The following TTLL5 variants were observed in gnomAD, a reference collection of about 807,000 sequenced individuals.
TTLL5 encodes the protein tubulin tyrosine ligase like 5, also known as tubulin polyglutamylase TTLL5.
TTLL5 carries 132 observed loss-of-function variants against 168.4 expected under a neutral mutation model. The observed-to-expected ratio is 0.78, with a 90% CI of 0.68 to 0.91. The LOEUF is 0.91. Ranked by LOEUF, TTLL5 falls within the 40% of genes least tolerant of loss-of-function variation. TTLL5 has a pLI of 0.00. For synonymous variants in TTLL5, 546 were observed against 558.6 expected, an observed-to-expected ratio of 0.98 and a Z score of 0.32; for missense variants, 1,545 against 1,581.5, an observed-to-expected ratio of 0.98 and a Z score of 0.39.
chr14:75,926,233 T>TATGTGTG (rs2034065769), intron 31 of TTLL5, among the ~76,000 whole-genome samples: 1 of 137,258 alleles, frequency 7.3e-6, no homozygotes, highest in Non-Finnish European at 1.5e-5. Flanking sequence ...GTTTTGAGCC[T>TATGTGTG]ATGTGTGTCT....
chr14:75,865,002 T>C (rs2030388733), intron 29 of TTLL5, among the ~76,000 whole-genome samples: 1 of 152,188 alleles, frequency 6.6e-6, no homozygotes, highest in African/African-American at 2.4e-5. Flanking sequence ...GGTAGTATAC[T>C]CTGTACATTA....
At chr14:75,742,894 T>G (rs1889358706) in intron 15 of TTLL5, among the ~76,000 whole-genome samples, 1 of 152,258 alleles carries the variant, frequency 6.6e-6, no homozygotes, top group Non-Finnish European at 1.5e-5. Flanking sequence ...ATTATTTATA[T>G]TTGTTTCCTT....
intron 31 of TTLL5, among the ~76,000 whole-genome samples, chr14:75,941,845 T>A (rs1387164563): frequency 3.6e-4 from 4 of 11,014 alleles, no homozygotes; most frequent in East Asian, 2.6e-3. Flanking sequence ...ATGATGAACT[T>A]TTTTTTTTTT....
intron 15 of TTLL5, among the ~76,000 whole-genome samples, chr14:75,743,686 A>C (rs187775632): frequency 7.2e-6 from 1 of 139,582 alleles, no homozygotes; most frequent in African/African-American, 2.7e-5. Flanking sequence ...GGTTCACGCC[A>C]TTCTCCTGCC....
At chr14:75,875,633 T>C (rs1449019692) in intron 29 of TTLL5, among the ~76,000 whole-genome samples, 2 of 152,104 alleles carry the variant, frequency 1.3e-5, no homozygotes, top group Admixed American at 6.5e-5. Context: ...ATTTATAGCA[T>C]TGATGATTGG....
At chr14:75,904,834 C>T (rs776876313) in intron 31 of TTLL5, among the ~76,000 whole-genome samples, 1 of 152,088 alleles carries the variant, frequency 6.6e-6, no homozygotes, top group Admixed American at 6.6e-5. Context: ...TGTTCCTGAT[C>T]GTTAGTTAAA....
chr14:75,753,855 T>G (rs1221419992), intron 18 of TTLL5, among the ~76,000 whole-genome samples: 1 of 152,222 alleles, frequency 6.6e-6, no homozygotes, highest in Non-Finnish European at 1.5e-5. Context: ...TCTTTAGAGT[T>G]TAGATACTTT....
intron 27 of TTLL5, chr14:75,814,706 A>G (rs1894283240): frequency 6.6e-6 from 1 of 152,218 alleles, no homozygotes; most frequent in African/African-American, 2.4e-5. Context: ...TTTAATCTAG[A>G]GATAATTTGC....
At position 75,824,838 on chromosome 14, in the gene TTLL5, C is replaced by T. The variant is rs182174935; in HGVS notation, c.3326+4677C>T. ...GGCAAGGTTTTGTTTTTATCCTCTG[C>T]CTCTGTTATAAGGGAATTATTCTGA... On this transcript the variant is annotated intron_variant, in intron 28 of 31. Coordinates refer to ENST00000298832, the MANE Select transcript of TTLL5 (RefSeq NM_015072.5). 1.6e-4 allele frequency among the ~76,000 whole-genome samples: 25 copies of T among 151,884 alleles called. No individual in the cohort carries two copies. In the East Asian group the frequency reaches 4.8e-3, roughly 29 times the overall value.
At chr14:75,922,576 T>A (rs2140141656) in intron 31 of TTLL5, among the ~76,000 whole-genome samples, 1 of 152,150 alleles carries the variant, frequency 6.6e-6, no homozygotes, top group South Asian at 2.1e-4. Flanking sequence ...ATCCCAGGGA[T>A]GAACACTTGA....
intron 27 of TTLL5, among the ~76,000 whole-genome samples, chr14:75,811,482 T>A (rs72725612): frequency 0.018 from 2,798 of 152,312 alleles, 29 homozygotes; most frequent in Admixed American, 0.031. Flanking sequence ...TGCCATTTTT[T>A]AATTTCTTTA....
intron 20 of TTLL5, among the ~76,000 whole-genome samples, chr14:75,766,691 G>A (rs1890984481): frequency 6.6e-6 from 1 of 152,118 alleles, no homozygotes; most frequent in African/African-American, 2.4e-5. Flanking sequence ...TCAGGCCATG[G>A]CCCCACTATG....
chr14:75,720,039 C>CT (rs1364889418), intron 11 of TTLL5, among the ~76,000 whole-genome samples: 7 of 152,192 alleles, frequency 4.6e-5, no homozygotes, highest in African/African-American at 1.7e-4. Flanking sequence ...AAAGACATAA[C>CT]TTTTTCCTTT....
At chr14:75,912,272 C>T (rs2033424612) in intron 31 of TTLL5, among the ~76,000 whole-genome samples, 1 of 152,150 alleles carries the variant, frequency 6.6e-6, no homozygotes, top group Non-Finnish European at 1.5e-5. Flanking sequence ...AGAGCTCTCT[C>T]TCCCAGGCCT....
At chr14:75,717,337 A>G (rs1453876906) in intron 9 of TTLL5, among the ~76,000 whole-genome samples, 1 of 151,476 alleles carries the variant, frequency 6.6e-6, no homozygotes, top group East Asian at 1.9e-4. Flanking sequence ...CTGGTCTCAA[A>G]CTCCTGGGCT....
intron 29 of TTLL5, 27 bp downstream of exon 29, chr14:75,863,889 T>A: frequency 8.9e-7 from 1 of 1,121,460 alleles, no homozygotes; most frequent in Non-Finnish European, 1.2e-6. Context: ...CTTTTCCATG[T>A]GTTATATCTT....
At chr14:75,753,141 TAA>T (rs1423764434) in intron 18 of TTLL5, among the ~76,000 whole-genome samples, 186 bp downstream of exon 18, 2 of 152,242 alleles carry the variant, frequency 1.3e-5, no homozygotes, top group Admixed American at 6.5e-5. Flanking sequence ...CAGCACTTTG[TAA>T]CATTTCCAAA....
At chr14:75,734,180 A>G (rs17183712) in intron 14 of TTLL5, 130 bp downstream of exon 14, 125,003 of 805,456 alleles carry the variant, frequency 0.16, 11,740 homozygotes, top group Non-Finnish European at 0.2. Flanking sequence ...AAAAAATTAT[A>G]TTTTCAGGGA....
chr14:75,935,452 C>T (rs1235792071), intron 31 of TTLL5, among the ~76,000 whole-genome samples: 1 of 152,168 alleles, frequency 6.6e-6, no homozygotes, highest in African/African-American at 2.4e-5. Context: ...CTGTTATCTC[C>T]AGGCTGCATG....
Sources: allele counts gnomAD v4.1 joint callset (sites outside exome capture counted in the v4.1 genomes callset), GRCh38; gene constraint gnomAD v4.1.1; transcripts MANE v1.5; gene names NCBI Gene and HGNC (gene_info 2026-07-23, HGNC 2026-07-21).